Variants in JPH3 observed in about 807,000 individuals in gnomAD.
JPH3 encodes the protein junctophilin-3.
JPH3 carries 11 observed loss-of-function variants against 59.6 expected under a neutral mutation model. The ratio of observed to expected loss-of-function variants is 0.18; its 90% confidence interval spans 0.12 to 0.31. JPH3 has a LOEUF of 0.31. JPH3 is among the 10% of genes least tolerant of loss of function. The probability of loss-of-function intolerance (pLI) is 1.00; values close to 1 mark genes in which losing one functional copy is unlikely to be tolerated. For missense variants in JPH3, 1,202 were observed against 1,105.7 expected (o/e 1.09, Z -1.24); for synonymous variants, 673 against 483.6 (o/e 1.39, Z -5.14).
In JPH3 at chr16:87,603,020, C is replaced by T; in HGVS notation, c.-127C>T. The T allele has an allele frequency of 1.6e-6, 2 of 1,243,324 alleles. No individual in the cohort carries two copies. Among genetic ancestry groups the T allele is most frequent in the East Asian group, 2.6e-5 (1 of 38,600 alleles). The allele number at this position is 1,243,324 out of a possible 1,614,324, so 77.0% of individuals were successfully genotyped here. Reference sequence around the variant, plus strand: ...GCCGCCCGCGCCCGAGACCGCGCTCCGGGGCCGCGTCCTCCTCTCCTCCGG... The same window carrying T: ...GCCGCCCGCGCCCGAGACCGCGCTCTGGGGCCGCGTCCTCCTCTCCTCCGG... On this transcript the variant is annotated 5_prime_UTR_variant, in exon 1 of 5. Transcript: ENST00000284262.
chr16:87,691,376 G>A (rs2033568888), intron 4 of JPH3, among the ~76,000 whole-genome samples: 1 of 152,246 alleles, frequency 6.6e-6, no homozygotes, highest in South Asian at 2.1e-4. Flanking sequence ...CCCCAGCAGG[G>A]CTCTGCTCGC....
intron 1 of JPH3, among the ~76,000 whole-genome samples, chr16:87,632,888 G>T (rs2150836378): frequency 6.7e-6 from 1 of 148,382 alleles, no homozygotes; most frequent in East Asian, 2.0e-4. Context: ...GCTGGACTCT[G>T]TCTCAAAAAA....
chr16:87,680,788 T>G (rs867013575), intron 2 of JPH3, among the ~76,000 whole-genome samples: 33 of 152,322 alleles, frequency 2.2e-4, no homozygotes, highest in African/African-American at 7.7e-4. Context: ...CTCCATGACG[T>G]GCTTGTCTGG....
intron 2 of JPH3, among the ~76,000 whole-genome samples, chr16:87,680,364 G>GGAA (rs1449663068): frequency 6.6e-6 from 1 of 152,258 alleles, no homozygotes; most frequent in Non-Finnish European, 1.5e-5. Flanking sequence ...GCGCCCGGAA[G>GGAA]GAAGCGGTGT....
chr16:87,680,643 G>A (rs2033266202), intron 2 of JPH3, among the ~76,000 whole-genome samples: 1 of 152,196 alleles, frequency 6.6e-6, no homozygotes, highest in African/African-American at 2.4e-5. Context: ...CCCTGCCTGT[G>A]CCACCGTGGC....
At chr16:87,602,439 G>T, upstream of JPH3, among the ~76,000 whole-genome samples, 1 of 101,096 alleles carries the variant, frequency 9.9e-6, no homozygotes, top group Non-Finnish European at 2.0e-5. Context: ...GGCGGGGGCG[G>T]GGGGCGGGGG....
chr16:87,689,303 C>T (rs1226181737), intron 3 of JPH3, among the ~76,000 whole-genome samples: 1 of 152,144 alleles, frequency 6.6e-6, no homozygotes, highest in Non-Finnish European at 1.5e-5. Flanking sequence ...TCAGGACAGG[C>T]GAGTCAGGGT....
In JPH3 at chr16:87,684,716, A is replaced by C. The variant is rs1597289623; in HGVS notation, c.1285+450A>C. On this transcript the variant is annotated intron_variant, in intron 3 of 4. Coordinates refer to ENST00000284262, the MANE Select transcript of JPH3 (RefSeq NM_020655.4). Reference sequence around the variant, plus strand: ...TCTGATGTGAACTAACTTACCATTAAACACACCCAGTGGCTGCTGGGTTGG... The same window carrying C: ...TCTGATGTGAACTAACTTACCATTACACACACCCAGTGGCTGCTGGGTTGG... Among the ~76,000 whole-genome samples the C allele has an allele frequency of 2.6e-5, 4 of 152,158 alleles. No homozygotes were observed. In the South Asian group the frequency reaches 8.3e-4, roughly 32 times the overall value.
chr16:87,649,152 C>T (rs1191510286), intron 2 of JPH3, among the ~76,000 whole-genome samples: 1 of 152,198 alleles, frequency 6.6e-6, no homozygotes, highest in Non-Finnish European at 1.5e-5. Flanking sequence ...GCCAGTGGCC[C>T]CGCGGAGCTG....
At position 87,684,873 on chromosome 16, in the gene JPH3, G is replaced by A. The variant is rs548812956; in HGVS notation, c.1285+607G>A. On this transcript the variant is annotated intron_variant, in intron 3 of 4. Coordinates refer to ENST00000284262, the MANE Select transcript of JPH3 (RefSeq NM_020655.4). ...ACGGCCCAGTGACAGTGGCGGGGGC[G>A]TGGAGGGTGTGGGGTGGGTGGCGGA... Among the ~76,000 whole-genome samples the A allele has an allele frequency of 8.6e-5, 13 of 151,708 alleles. No homozygotes were observed. In the East Asian group the frequency reaches 1.6e-3, roughly 18 times the overall value.
In JPH3 at chr16:87,611,934, C is replaced by A. The variant is rs1345414905; in HGVS notation, c.382+8406C>A. Among the ~76,000 whole-genome samples, 2 of 152,170 alleles carry A rather than the reference C, an allele frequency of 1.3e-5. No individual in the cohort carries two copies. The highest frequency in any genetic ancestry group is 4.8e-5 in the African/African-American group (2 of 41,434). ...CAGCGTGTCAGGCCTGCCTGACCTCCAGGGTCAGGATGTGTGTTTGGAGAT... is the reference window on the plus strand; with the variant it reads ...CAGCGTGTCAGGCCTGCCTGACCTCAAGGGTCAGGATGTGTGTTTGGAGAT... On this transcript the variant is annotated intron_variant, in intron 1 of 4. Transcript: ENST00000284262. This position sits in a 1 kb window ranked among gnomAD's most constrained non-coding sequence, Gnocchi z 4.5.
chr16:87,633,556 C>T (rs1025144922), intron 1 of JPH3, among the ~76,000 whole-genome samples: 31 of 151,902 alleles, frequency 2.0e-4, no homozygotes, highest in African/African-American at 7.5e-4. Context: ...AATTCCAGTG[C>T]TTTGGGAGGC....
intron 2 of JPH3, among the ~76,000 whole-genome samples, chr16:87,648,599 G>A (rs749919931): frequency 4.6e-5 from 7 of 152,196 alleles, no homozygotes; most frequent in East Asian, 3.9e-4. Flanking sequence ...AAAACGGGGC[G>A]GGAGGTGTGG....
intron 2 of JPH3, among the ~76,000 whole-genome samples, chr16:87,673,189 T>C (rs530453075): frequency 6.6e-6 from 1 of 151,734 alleles, no homozygotes; most frequent in Admixed American, 6.6e-5. Flanking sequence ...TAAAAGCTGG[T>C]TTCCTTACTG....
At chr16:87,694,802 C>G (rs1220836418) in intron 4 of JPH3, 1 of 191,618 alleles carries the variant, frequency 5.2e-6, no homozygotes, top group Non-Finnish European at 1.1e-5. Flanking sequence ...GGCCATTGAG[C>G]AGGCACTTGC....
In JPH3 at chr16:87,644,639, C is replaced by T. The variant is rs748773642; in HGVS notation, c.764C>T (p.Ser255Phe). The T allele has an allele frequency of 2.5e-6, 4 of 1,612,034 alleles. No individual in the cohort carries two copies. Among genetic ancestry groups the T allele is most frequent in the Admixed American group, 3.3e-5 (2 of 60,026 alleles). ...GAGGCGGGCATGAGCACCGTCAGCT[C>T]CACGGCCAGCGACATCCACTCCACC... ...RSEAGMSTVS[S>F]TASDIHSTIS... Residue 255 changes from serine to phenylalanine, a missense_variant, in exon 2 of 5, where the codon TCC becomes TTC. Ser to Phe is a radical substitution (Grantham distance 155). Coordinates refer to ENST00000284262, the MANE Select transcript of JPH3 (RefSeq NM_020655.4).
chr16:87,629,532 C>T (rs909434448), intron 1 of JPH3, among the ~76,000 whole-genome samples: 6 of 151,900 alleles, frequency 3.9e-5, no homozygotes, highest in African/African-American at 9.7e-5. Context: ...AAGCAAACAG[C>T]GGTGACGACG....
In JPH3 at chr16:87,696,705, G is replaced by C. The variant is rs1478037481; in HGVS notation, c.*45G>C. On this transcript the variant is annotated 3_prime_UTR_variant, in exon 5 of 5. Coordinates refer to ENST00000284262, the MANE Select transcript of JPH3 (RefSeq NM_020655.4). ...AAATAGAGAAAGGGTAGAAAAAAGG[G>C]ACATTAAAATTAAAAGCAAAACCAC... 9 of 1,513,862 alleles carry C rather than the reference G, an allele frequency of 5.9e-6. No homozygotes were observed. The East Asian group carries it at 1.6e-4, about 27-fold the overall frequency. 93.8% of individuals were successfully genotyped at this position (1,513,862 alleles called of 1,614,324 possible).
chr16:87,659,682 G>A lies in JPH3; in HGVS notation c.1160+14647G>A, dbSNP rs1332080133. 5.3e-5 allele frequency among the ~76,000 whole-genome samples: 8 copies of A among 149,592 alleles called. No individual in the cohort carries two copies. The East Asian group carries it at 1.0e-3, about 19-fold the overall frequency. On this transcript the variant is annotated intron_variant, in intron 2 of 4. Transcript: ENST00000284262. ...CAGGAGACGAAGGTTGCAGTAAGCC[G>A]AGATAGCACCACTGCACTCCAGCCT...
Sources: allele counts gnomAD v4.1 joint callset (sites outside exome capture counted in the v4.1 genomes callset), GRCh38; gene constraint gnomAD v4.1.1; non-coding constraint Gnocchi (gnomAD v3.1); transcripts MANE v1.5; gene names NCBI Gene and HGNC (gene_info 2026-07-23, HGNC 2026-07-21).